The following FUCA2 variants were observed in gnomAD, a reference collection of about 807,000 sequenced individuals.
FUCA2 encodes the protein plasma alpha-L-fucosidase.
FUCA2 carries 41 observed loss-of-function variants against 52.6 expected under a neutral mutation model. That is an observed-to-expected ratio of 0.78 (90% CI 0.61 to 1.01). The LOEUF (loss-of-function observed/expected upper bound fraction) is 1.01, where lower values mean the gene tolerates loss of function less well. Among genes scored for constraint, FUCA2 ranks in the 50% least tolerant of loss-of-function variants. The pLI, the probability that FUCA2 is intolerant of heterozygous loss-of-function variation, is 0.00. For missense variants in FUCA2, 507 were observed against 569.5 expected (o/e 0.89, Z 1.12); for synonymous variants, 211 against 217.3 (o/e 0.97, Z 0.26).
In FUCA2 at chr6:143,495,304, CA is replaced by C. The variant is rs67844126; in HGVS notation, c.*402del. 48,913 of 166,074 alleles carry C rather than the reference CA, an allele frequency of 0.29. 8,845 individuals are homozygous for C. The highest frequency in any genetic ancestry group is 0.41 in the Non-Finnish European group (31,154 of 76,258). The allele number at this position is 166,074 out of a possible 1,614,324, so 10.3% of individuals were successfully genotyped here. A position where few individuals can be genotyped will look rare whatever the true frequency, so the allele number is the denominator to read the frequency against. Reference sequence around the variant, plus strand: ...GTAAATACACTCTATGATGTTGGCACAAAAAAAAATTGACTAGCAATGCATT... The same window carrying C: ...GTAAATACACTCTATGATGTTGGCACAAAAAAAATTGACTAGCAATGCATT... On this transcript the variant is annotated 3_prime_UTR_variant, in exon 7 of 7. Coordinates refer to ENST00000002165, the MANE Select transcript of FUCA2 (RefSeq NM_032020.5). This position sits in a 1 kb window ranked among gnomAD's most constrained non-coding sequence, Gnocchi z 5.2.
chr6:143,511,560 C>G lies in FUCA2; in HGVS notation c.75G>C (p.Pro25=). The G allele has an allele frequency of 6.4e-7, 1 of 1,564,550 alleles. No individual in the cohort carries two copies. Among genetic ancestry groups the G allele is most frequent in the Non-Finnish European group, 8.7e-7 (1 of 1,155,262 alleles). Residue 25 remains proline (P), a synonymous_variant, in exon 1 of 7, where the codon CCG becomes CCC. Transcript: ENST00000002165. This position sits in a 1 kb window ranked among gnomAD's most constrained non-coding sequence, Gnocchi z 6.3. ...AGCGCGTGGCGCTGTGGGCAGGGCA[C>G]GGCGGCGGCGGCAGCAGCAGCAACA... The part of the protein sequence containing the change: ...LLLLLLLPPP[P]CPAHSATRFD...
In FUCA2 at chr6:143,502,317, GAAT is replaced by G; in HGVS notation, c.963+35_963+37del. 1 of 1,568,390 alleles carries G rather than the reference GAAT, an allele frequency of 6.4e-7. No homozygotes were observed. The highest frequency in any genetic ancestry group is 8.8e-7 in the Non-Finnish European group (1 of 1,142,248). ...AATTCCTACATGACCACACTATTAA[GAAT>G]ATTATGTTAATAGCCACCAGACATT... is the stretch of plus-strand genomic sequence containing the variant. On this transcript the variant is annotated intron_variant, in intron 4 of 6. Coordinates refer to ENST00000002165, the MANE Select transcript of FUCA2 (RefSeq NM_032020.5). The surrounding 1 kb of genome is among the most constrained non-coding windows in gnomAD (Gnocchi z 4.1).
Position 143,499,399 on chromosome 6 carries a change from C to CA in FUCA2, c.1155-1903dup, listed in dbSNP as rs1443091765. On this transcript the variant is annotated intron_variant, in intron 5 of 6. Transcript: ENST00000002165. The surrounding 1 kb of genome is among the most constrained non-coding windows in gnomAD (Gnocchi z 6.0). ...TGAAACCCCATCTCTACTAAAAATA[C>CA]AAAAAAATTAGCCAGGCTTGGTGGC... 2.0e-5 allele frequency among the ~76,000 whole-genome samples: 3 copies of CA among 151,942 alleles called. No homozygotes were observed. Among genetic ancestry groups the CA allele is most frequent in the Non-Finnish European group, 4.4e-5 (3 of 67,940 alleles).
chr6:143,505,129 A>G (rs1464449653), intron 2 of FUCA2: 1 of 152,164 alleles, frequency 6.6e-6, no homozygotes, highest in Admixed American at 6.5e-5. Context: ...GAAATACTTA[A>G]AACATAATAA....
At position 143,507,484 on chromosome 6, in the gene FUCA2, G is replaced by A. The variant is rs900396113; in HGVS notation, c.225-60C>T. On this transcript the variant is annotated intron_variant, in intron 1 of 6. Transcript: ENST00000002165. This position sits in a 1 kb window ranked among gnomAD's most constrained non-coding sequence, Gnocchi z 4.5. ...ACATACACACATATTTAAAAGAACT[G>A]CTCCAGCTCCCCTTACCATTTACCC... 6 of 1,200,512 alleles carry A rather than the reference G, an allele frequency of 5.0e-6. No homozygotes were observed. In the African/African-American group the frequency reaches 9.6e-5, roughly 19 times the overall value. The allele number at this position is 1,200,512 out of a possible 1,614,324, so 74.4% of individuals were successfully genotyped here.
At position 143,504,512 on chromosome 6, in the gene FUCA2, T is replaced by C. The variant is rs908124581; in HGVS notation, c.413-260A>G. 1 of 404,958 alleles carries C rather than the reference T, an allele frequency of 2.5e-6. No individual in the cohort carries two copies. The highest frequency in any genetic ancestry group is 2.0e-5 in the African/African-American group (1 of 49,452). 25.1% of individuals were successfully genotyped at this position (404,958 alleles called of 1,614,324 possible). On this transcript the variant is annotated intron_variant, in intron 2 of 6. Coordinates refer to ENST00000002165, the MANE Select transcript of FUCA2 (RefSeq NM_032020.5). The surrounding 1 kb of genome is among the most constrained non-coding windows in gnomAD (Gnocchi z 4.4). ...TACGGTCTGATCTATCTCCAGTATT[T>C]TCCCTCTTAGATTTTAAGGTCCTTA...
At chr6:143,506,245 G>C (rs1780606688) in intron 2 of FUCA2, 1 of 148,492 alleles carries the variant, frequency 6.7e-6, no homozygotes, top group African/African-American at 2.5e-5. Flanking sequence ...ACCTAGACTG[G>C]AGTGTAGTAA....
Position 143,508,027 on chromosome 6 carries a change from T to C in FUCA2, c.225-603A>G, listed in dbSNP as rs182727832. Among the ~76,000 whole-genome samples the C allele has an allele frequency of 1.5e-3, 228 of 152,326 alleles. 1 individual carries two copies. The highest frequency in any genetic ancestry group is 5.3e-3 in the African/African-American group (222 of 41,572). On this transcript the variant is annotated intron_variant, in intron 1 of 6. Coordinates refer to ENST00000002165, the MANE Select transcript of FUCA2 (RefSeq NM_032020.5). ...AACATGTAGTATATGTCTTTACACA[T>C]TGTCCCTTGTAACATAAGTGATTAG...
At position 143,502,053 on chromosome 6, in the gene FUCA2, T is replaced by C. The variant is rs1780534313; in HGVS notation, c.1033A>G (p.Ile345Val). The change falls in exon 5 of 7, where the codon ATT (isoleucine) becomes GTT (valine). Residue 345 changes from isoleucine to valine, a missense_variant. Ile to Val is a conservative substitution (Grantham distance 29, BLOSUM62 3). Coordinates refer to ENST00000002165, the MANE Select transcript of FUCA2 (RefSeq NM_032020.5). The surrounding 1 kb of genome is among the most constrained non-coding windows in gnomAD (Gnocchi z 4.1). ...AGTCGCTCCTCAAAAACTACAGAAA[T>C]GGTGCCATCTAGTGTGGGCCCAATA... ...MNIGPTLDGTISVVFEERLRQ... is the reference protein window; with the variant it reads ...MNIGPTLDGTVSVVFEERLRQ... The C allele has an allele frequency of 6.2e-7, 1 of 1,613,906 alleles. No individual in the cohort carries two copies.
In FUCA2 at chr6:143,497,528, T is replaced by A; in HGVS notation, c.1155-31A>T. 8.2e-7 allele frequency: 1 copy of A among 1,216,342 alleles called. No individual in the cohort carries two copies. The highest frequency in any genetic ancestry group is 1.2e-6 in the Non-Finnish European group (1 of 827,100). 75.3% of individuals were successfully genotyped at this position (1,216,342 alleles called of 1,614,324 possible). On this transcript the variant is annotated intron_variant, in intron 5 of 6. Coordinates refer to ENST00000002165, the MANE Select transcript of FUCA2 (RefSeq NM_032020.5). This position sits in a 1 kb window ranked among gnomAD's most constrained non-coding sequence, Gnocchi z 5.3. Reference sequence around the variant, plus strand: ...TAAAAGAAAAAAATAAAGAGCATAGTAGCAAGTTACATCCCATGTTTCTCA... The same window carrying A: ...TAAAAGAAAAAAATAAAGAGCATAGAAGCAAGTTACATCCCATGTTTCTCA...
In FUCA2 at chr6:143,511,428, G is replaced by A. The variant is rs748797282; in HGVS notation, c.207C>T (p.Phe69=). Residue 69 remains phenylalanine (F), a synonymous_variant, in exon 1 of 7, where the codon TTC becomes TTT. Coordinates refer to ENST00000002165, the MANE Select transcript of FUCA2 (RefSeq NM_032020.5). This position sits in a 1 kb window ranked among gnomAD's most constrained non-coding sequence, Gnocchi z 6.3. ...IHWGVFSVPS[F]GSEWFWWYWQ... ...GCACTCACCAGAACCACTCGCTACC[G>A]AAGCTGGGCACGGAAAACACTCCCC... 7 of 1,611,600 alleles carry A rather than the reference G, an allele frequency of 4.3e-6. No homozygotes were observed. The Admixed American group carries it at 8.4e-5, about 19-fold the overall frequency.
Position 143,507,163 on chromosome 6 carries a change from G to T in FUCA2, c.412+74C>A. The T allele has an allele frequency of 7.0e-7, 1 of 1,438,266 alleles. No homozygotes were observed. Among genetic ancestry groups the T allele is most frequent in the Non-Finnish European group, 9.5e-7 (1 of 1,056,840 alleles). 89.1% of individuals were successfully genotyped at this position (1,438,266 alleles called of 1,614,324 possible). ...GAAGAGAAAATTAGACCTTGCTTTA[G>T]TTTTTTCTTCCAAAAGAACAACTTT... On this transcript the variant is annotated intron_variant, in intron 2 of 6. Coordinates refer to ENST00000002165, the MANE Select transcript of FUCA2 (RefSeq NM_032020.5). This position sits in a 1 kb window ranked among gnomAD's most constrained non-coding sequence, Gnocchi z 4.5.
In FUCA2 at chr6:143,497,186, T is replaced by C. The variant is rs1584024649; in HGVS notation, c.1263+203A>G. 4 of 517,312 alleles carry C rather than the reference T, an allele frequency of 7.7e-6. No individual in the cohort carries two copies. In the East Asian group the frequency reaches 1.3e-4, roughly 17 times the overall value. 32.0% of individuals were successfully genotyped at this position (517,312 alleles called of 1,614,324 possible). A position where few individuals can be genotyped will look rare whatever the true frequency, so the allele number is the denominator to read the frequency against. On this transcript the variant is annotated intron_variant, in intron 6 of 6. Transcript: ENST00000002165. The surrounding 1 kb of genome is among the most constrained non-coding windows in gnomAD (Gnocchi z 5.3). ...TATGTTGCCCAGGCTAGTCTCAAAC[T>C]TCTGGCCTCAAGACATCCTCCTGCC... is the stretch of plus-strand genomic sequence containing the variant.
Position 143,511,335 on chromosome 6 carries a change from G to A in FUCA2, c.224+76C>T, listed in dbSNP as rs1169370734. On this transcript the variant is annotated intron_variant, in intron 1 of 6. Transcript: ENST00000002165. This position sits in a 1 kb window ranked among gnomAD's most constrained non-coding sequence, Gnocchi z 6.3. ...GCAGGCAGCACCAGGCGGCGAACCA[G>A]GCCCGCTGGGTGGTGGCTGGAGGCT... 7.2e-7 allele frequency: 1 copy of A among 1,392,950 alleles called. No homozygotes were observed. Among genetic ancestry groups the A allele is most frequent in the Non-Finnish European group, 9.7e-7 (1 of 1,026,222 alleles). 86.3% of individuals were successfully genotyped at this position (1,392,950 alleles called of 1,614,324 possible).
At chr6:143,506,972 T>C (rs1030800968) in intron 2 of FUCA2, 11 of 404,176 alleles carry the variant, frequency 2.7e-5, no homozygotes, top group African/African-American at 2.3e-4. Context: ...CAGCTTTAAG[T>C]AAATCTTGGA....
Position 143,498,055 on chromosome 6 carries a change from AG to A in FUCA2, c.1155-559del, listed in dbSNP as rs1198900373. On this transcript the variant is annotated intron_variant, in intron 5 of 6. Coordinates refer to ENST00000002165, the MANE Select transcript of FUCA2 (RefSeq NM_032020.5). ...AAGGAAATTGAGAGATTATAACAAA[AG>A]GATCTCTTTAGATTAGAACATCAGA... 5.9e-5 allele frequency among the ~76,000 whole-genome samples: 9 copies of A among 152,344 alleles called. No individual in the cohort carries two copies. The South Asian group carries it at 6.2e-4, about 11-fold the overall frequency.
In FUCA2 at chr6:143,497,591, A is replaced by G; in HGVS notation, c.1155-94T>C. Reference sequence around the variant, plus strand: ...CAGGAACAATCTGGAATTATTTTACAGATACTTCCACAATGTCACCACTAA... The same window carrying G: ...CAGGAACAATCTGGAATTATTTTACGGATACTTCCACAATGTCACCACTAA... On this transcript the variant is annotated intron_variant, in intron 5 of 6. Coordinates refer to ENST00000002165, the MANE Select transcript of FUCA2 (RefSeq NM_032020.5). This position sits in a 1 kb window ranked among gnomAD's most constrained non-coding sequence, Gnocchi z 5.3. 1.5e-6 allele frequency: 1 copy of G among 661,794 alleles called. No homozygotes were observed. Among genetic ancestry groups the G allele is most frequent in the South Asian group, 2.0e-5 (1 of 50,870 alleles). 41.0% of individuals were successfully genotyped at this position (661,794 alleles called of 1,614,324 possible).
Position 143,499,999 on chromosome 6 carries a change from GT to G in FUCA2, c.1154+1932del, listed in dbSNP as rs893193358. On this transcript the variant is annotated intron_variant, in intron 5 of 6. Coordinates refer to ENST00000002165, the MANE Select transcript of FUCA2 (RefSeq NM_032020.5). This position sits in a 1 kb window ranked among gnomAD's most constrained non-coding sequence, Gnocchi z 6.0. ...TTTGCAATGGGATCAGGACACAAGG[GT>G]TGACCTTAAAGCCAAAAGTGAGATA... 2.0e-5 allele frequency among the ~76,000 whole-genome samples: 3 copies of G among 152,130 alleles called. No individual in the cohort carries two copies. Among genetic ancestry groups the G allele is most frequent in the African/African-American group, 7.2e-5 (3 of 41,430 alleles).
In FUCA2 at chr6:143,504,549, C is replaced by T; in HGVS notation, c.413-297G>A. On this transcript the variant is annotated intron_variant, in intron 2 of 6. Transcript: ENST00000002165. This position sits in a 1 kb window ranked among gnomAD's most constrained non-coding sequence, Gnocchi z 4.4. ...TTTTAAGGTCCTTAAGGGATTGCAT[C>T]ATGTCTGCAGTGCTCCCTGCTATGT... 1 of 314,006 alleles carries T rather than the reference C, an allele frequency of 3.2e-6. No individual in the cohort carries two copies. The highest frequency in any genetic ancestry group is 4.6e-5 in the South Asian group (1 of 21,594). 19.5% of individuals were successfully genotyped at this position (314,006 alleles called of 1,614,324 possible).
Sources: allele counts gnomAD v4.1 joint callset (sites outside exome capture counted in the v4.1 genomes callset), GRCh38; gene constraint gnomAD v4.1.1; non-coding constraint Gnocchi (gnomAD v3.1); transcripts MANE v1.5; gene names NCBI Gene and HGNC (gene_info 2026-07-23, HGNC 2026-07-21).